Variants in COL4A6 observed in about 807,000 individuals in gnomAD.
COL4A6 encodes collagen type IV alpha 6 chain, also known as collagen alpha-6(IV) chain.
A neutral mutation model predicts 126.7 loss-of-function variants in COL4A6; 59 were observed. The observed-to-expected ratio is 0.47, with a 90% CI of 0.38 to 0.58. The LOEUF (loss-of-function observed/expected upper bound fraction) is 0.58. Among genes scored for constraint, COL4A6 ranks in the 20% least tolerant of loss-of-function variants. COL4A6 has a pLI of 0.00. For synonymous variants in COL4A6, 547 were observed against 496.6 expected (o/e 1.10, Z -1.35); for missense variants, 1,285 against 1,337.3 (o/e 0.96, Z 0.61).
At chrX:108,367,774 A>G (rs1290531662) in intron 2 of COL4A6, among the ~76,000 whole-genome samples, 1 of 111,083 alleles carries the variant, frequency 9.0e-6, no homozygotes, top group Non-Finnish European at 1.9e-5. Flanking sequence ...CTCCATTTTC[A>G]TCAACCAAGA....
chrX:108,350,590 T>C (rs960276559), intron 2 of COL4A6, among the ~76,000 whole-genome samples: 6 of 111,542 alleles, frequency 5.4e-5, no homozygotes, highest in Admixed American at 2.9e-4. Context: ...AATCTATATA[T>C]ACATATATTG....
At chrX:108,166,490 G>A (rs1016166250) in intron 37 of COL4A6, among the ~76,000 whole-genome samples, 1 of 112,287 alleles carries the variant, frequency 8.9e-6, no homozygotes, top group African/African-American at 3.2e-5. Context: ...ATCCAAAAAT[G>A]TTAATATCGA....
chrX:108,368,269 T>C (rs886508194), intron 2 of COL4A6, among the ~76,000 whole-genome samples: 2 of 111,159 alleles, frequency 1.8e-5, no homozygotes, highest in African/African-American at 6.5e-5. Context: ...CTGCAGGCAA[T>C]TATAAAACAA....
rs896350428 is a variant in COL4A6, at chrX:108,184,375, T to G, written c.1951+2721A>C. On this transcript the variant is annotated intron_variant, in intron 23 of 44. Coordinates refer to ENST00000334504, the MANE Select transcript of COL4A6 (RefSeq NM_033641.4). ...TGATTTGTCTCCACCAAAACTCATG[T>G]TGAGACTTGGTTTCCAGAGTGGCTG... Among the ~76,000 whole-genome samples, 4 of 112,437 alleles carry G rather than the reference T, an allele frequency of 3.6e-5. No homozygotes were observed. In the South Asian group the frequency reaches 1.1e-3, roughly 32 times the overall value.
chrX:108,221,288 T>C lies in COL4A6; in HGVS notation c.231A>G (p.Glu77=). ...GSTGLSGLKG[E]RGFPGLLGPY... ...GTCCCAGAAGGCCTGGGAAACCCCT[T>C]TCTCCTTTCAATCCCGATAAACCAG... Residue 77 remains glutamate, a synonymous_variant, in exon 4 of 45, where the codon GAA becomes GAG. Transcript: ENST00000334504. The C allele has an allele frequency of 1.7e-6, 2 of 1,211,793 alleles. No homozygotes were observed. Among genetic ancestry groups the C allele is most frequent in the Non-Finnish European group, 2.2e-6 (2 of 895,320 alleles).
Position 108,438,395 on chromosome X carries a change from C to G in COL4A6, c.-199G>C. The G allele has an allele frequency of 9.5e-7, 1 of 1,048,844 alleles. No individual in the cohort carries two copies. Among genetic ancestry groups the G allele is most frequent in the South Asian group, 3.2e-5 (1 of 31,569 alleles). The allele number at this position is 1,048,844 out of a possible 1,213,427, so 86.4% of individuals were successfully genotyped here. ...CAAAGGGAAACAGGCTCAGCGGTGCCCGTTACAACTTGCAGCACTCAGGAG... is the reference window on the plus strand; with the variant it reads ...CAAAGGGAAACAGGCTCAGCGGTGCGCGTTACAACTTGCAGCACTCAGGAG... On this transcript the variant is annotated 5_prime_UTR_variant, in exon 1 of 45. Coordinates refer to ENST00000334504, the MANE Select transcript of COL4A6 (RefSeq NM_033641.4).
At chrX:108,169,710 C>T in intron 36 of COL4A6, 90 bp from the exon 37 acceptor site, 4 of 1,071,495 alleles carry the variant, frequency 3.7e-6, no homozygotes, top group Non-Finnish European at 5.0e-6. Context: ...AGAAGCCTGA[C>T]TGACAGACAC....
At chrX:108,366,514 G>A (rs2040200406) in intron 2 of COL4A6, among the ~76,000 whole-genome samples, 1 of 111,934 alleles carries the variant, frequency 8.9e-6, no homozygotes, top group African/African-American at 3.2e-5. Flanking sequence ...TGACCCAAAA[G>A]GCTATTAATT....
intron 23 of COL4A6, among the ~76,000 whole-genome samples, chrX:108,184,082 C>T (rs1207527832): frequency 8.9e-6 from 1 of 112,153 alleles, no homozygotes; most frequent in East Asian, 2.8e-4. Flanking sequence ...TCTTTCCTGG[C>T]AATGCAGCTG....
chrX:108,388,818 T>G (rs887753331), intron 2 of COL4A6, among the ~76,000 whole-genome samples: 1 of 111,934 alleles, frequency 8.9e-6, no homozygotes, highest in Non-Finnish European at 1.9e-5. Flanking sequence ...AGTGTGTCGA[T>G]TTTAGATCTT....
At chrX:108,283,289 A>G (rs1603007467) in intron 3 of COL4A6, among the ~76,000 whole-genome samples, 1 of 112,005 alleles carries the variant, frequency 8.9e-6, no homozygotes, top group East Asian at 2.8e-4. Flanking sequence ...GATGATAACT[A>G]AAGGTCCTTT....
chrX:108,431,704 G>C (rs1352834684), intron 2 of COL4A6, among the ~76,000 whole-genome samples: 2 of 111,294 alleles, frequency 1.8e-5, no homozygotes, highest in African/African-American at 6.5e-5. Context: ...TGTCTGTGAG[G>C]GTGTTTCCAA....
intron 2 of COL4A6, among the ~76,000 whole-genome samples, chrX:108,403,233 G>GCGCTCT (rs780672684): frequency 3.2e-5 from 2 of 62,363 alleles, no homozygotes; most frequent in Non-Finnish European, 5.9e-5. Context: ...GCAAAGATTA[G>GCGCTCT]CTCTCTCTCT....
chrX:108,213,921 C>T, intron 6 of COL4A6, 191 bp downstream of exon 6: 1 of 427,021 alleles, frequency 2.3e-6, no homozygotes, highest in South Asian at 3.9e-5. Context: ...AGCATGTGCA[C>T]ACCCCACTGC....
intron 2 of COL4A6, among the ~76,000 whole-genome samples, chrX:108,362,602 C>T (rs763942189): frequency 8.9e-6 from 1 of 112,168 alleles, no homozygotes; most frequent in African/African-American, 3.2e-5. Context: ...ACTGCAGTTA[C>T]TGGGTACTCC....
intron 14 of COL4A6, 132 bp downstream of exon 14, chrX:108,196,379 A>T: frequency 1.8e-6 from 1 of 549,383 alleles, no homozygotes; most frequent in Non-Finnish European, 3.1e-6. Flanking sequence ...GGTCTTAGGA[A>T]CCTGCCATTG....
In COL4A6 at chrX:108,164,900, AG is replaced by A. The variant is rs749296554; in HGVS notation, c.3946del (p.Leu1316SerfsTer5). On this transcript the variant is annotated frameshift_variant, in exon 39 of 45. Transcript: ENST00000334504. LOFTEE classifies it high-confidence loss of function. Reference protein sequence around the residue: ...GDQGIPGFSGLPGELGLKGMR... With the variant: ...GDQGIPGFSGXPGELGLKGMR... ...ACCTTTCAGTCCTAGCTCTCCAGGG[AG>A]GCCAGAAAAACCTGGAATTCCTTGG... 1 of 1,203,697 alleles carries A rather than the reference AG, an allele frequency of 8.3e-7. No homozygotes were observed. Among genetic ancestry groups the A allele is most frequent in the East Asian group, 3.0e-5 (1 of 33,599 alleles).
intron 2 of COL4A6, among the ~76,000 whole-genome samples, chrX:108,423,897 A>G (rs2147361657): frequency 9.0e-6 from 1 of 111,572 alleles, no homozygotes; most frequent in African/African-American, 3.3e-5. Context: ...CCTGTTCAAG[A>G]AGTTGTAACA....
chrX:108,425,726 A>G (rs947334103), intron 2 of COL4A6, among the ~76,000 whole-genome samples: 3 of 105,640 alleles, frequency 2.8e-5, no homozygotes, highest in African/African-American at 1.0e-4. Flanking sequence ...AGCACAACAC[A>G]CACACAAACA....
Sources: allele counts gnomAD v4.1 joint callset (sites outside exome capture counted in the v4.1 genomes callset), GRCh38; gene constraint gnomAD v4.1.1; transcripts MANE v1.5; gene names NCBI Gene and HGNC (gene_info 2026-07-23, HGNC 2026-07-21).